Variants in HOXA5 observed in about 807,000 individuals in gnomAD.
HOXA5 encodes homeobox A5, also known as homeobox protein Hox-A5.
Under a neutral mutation model 20.0 loss-of-function variants are expected in HOXA5, and 12 were observed. That is an observed-to-expected ratio of 0.60 (90% CI 0.38 to 0.97). The LOEUF (loss-of-function observed/expected upper bound fraction) is 0.97, where lower values mean the gene tolerates loss of function less well. Ranked by LOEUF, HOXA5 falls within the 50% of genes least tolerant of loss-of-function variation. HOXA5 has a pLI of 0.00. For synonymous variants in HOXA5, 159 were observed against 157.7 expected, an observed-to-expected ratio of 1.01 and a Z score of -0.06; for missense variants, 352 against 380.3, an observed-to-expected ratio of 0.93 and a Z score of 0.62.
rs140801231 is a variant in HOXA5, at chr7:27,142,003, G to A, written c.645C>T (p.His215=). The A allele has an allele frequency of 7.4e-6, 12 of 1,614,254 alleles. No individual in the cohort carries two copies. The highest frequency in any genetic ancestry group is 1.0e-5 in the Non-Finnish European group (12 of 1,180,040). The change falls in exon 2 of 2, where the codon CAC becomes CAT. Residue 215 remains histidine (H), a synonymous_variant. Coordinates refer to ENST00000222726, the MANE Select transcript of HOXA5 (RefSeq NM_019102.4). The part of the protein sequence containing the change: ...YQTLELEKEF[H]FNRYLTRRRR... Reference sequence around the variant, plus strand: ...TTCTGCGGGTCAGGTAACGGTTGAAGTGGAACTCCTTCTCCAGCTCCAGGG... The same window carrying A: ...TTCTGCGGGTCAGGTAACGGTTGAAATGGAACTCCTTCTCCAGCTCCAGGG...
intron 1 of HOXA5, 130 bp from the exon 2 acceptor site, chr7:27,142,215 C>T: frequency 1.1e-6 from 1 of 917,866 alleles, no homozygotes; most frequent in Non-Finnish European, 1.6e-6. Context: ...AGCCCGCACA[C>T]CCCTCCCGAA....
chr7:27,142,781 T>G, intron 1 of HOXA5: 2 of 434,694 alleles, frequency 4.6e-6, no homozygotes, highest in Non-Finnish European at 8.0e-6. Context: ...AGGCGTGGGG[T>G]TCCAGAGGGG....
chr7:27,141,655 A>G lies in HOXA5; in HGVS notation c.*180T>C. On this transcript the variant is annotated 3_prime_UTR_variant, in exon 2 of 2. Transcript: ENST00000222726. ...CAGGACAAAGAGATGAACAGAAAGC[A>G]GATCTACTTATACAGGCGCTATAAT... The G allele has an allele frequency of 1.5e-6, 1 of 654,114 alleles. No individual in the cohort carries two copies. The highest frequency in any genetic ancestry group is 2.5e-6 in the Non-Finnish European group (1 of 400,926). The allele number at this position is 654,114 out of a possible 1,614,324, so 40.5% of individuals were successfully genotyped here.
chr7:27,143,254 C>T lies in HOXA5; in HGVS notation c.354G>A (p.Gly118=), dbSNP rs1410572142. The change falls in exon 1 of 2, where the codon GGG becomes GGA. Residue 118 remains glycine (G), a synonymous_variant. Transcript: ENST00000222726. ...CGCTGGAGTTGCTTAGGGAGTTTTT[C>T]CCGCCGTGGTGGCTGTCGCTGCCGG... is the stretch of plus-strand genomic sequence containing the variant. ...PSPGSDSHHG[G]KNSLSNSSGA... 2 of 1,608,588 alleles carry T rather than the reference C, an allele frequency of 1.2e-6. No homozygotes were observed. Among genetic ancestry groups the T allele is most frequent in the African/African-American group, 1.3e-5 (1 of 74,834 alleles).
Position 27,143,122 on chromosome 7 carries a change from C to A in HOXA5, c.486G>T (p.Ala162=). The change falls in exon 1 of 2, where the codon GCG becomes GCT. Residue 162 remains alanine (A), a synonymous_variant. Transcript: ENST00000222726. ...GCGGCGCCGGGCTCGGCTCGCTCTG[C>A]GCACTCGCCTGCTCGCTGCTGGCAG... is the stretch of plus-strand genomic sequence containing the variant. The part of the protein sequence containing the change: ...DAPASSEQAS[A]QSEPSPAPPA... The A allele has an allele frequency of 6.2e-7, 1 of 1,601,694 alleles. No homozygotes were observed. The highest frequency in any genetic ancestry group is 8.5e-7 in the Non-Finnish European group (1 of 1,175,806).
In HOXA5 at chr7:27,141,971, A is replaced by G. The variant is rs376431276; in HGVS notation, c.677T>C (p.Ile226Thr). Reference protein sequence around the residue: ...FNRYLTRRRRIEIAHALCLSE... With the variant: ...FNRYLTRRRRTEIAHALCLSE... The stretch of plus-strand genomic sequence containing the variant: ...GAGGCAAAGAGCATGTGCTATTTCA[A>G]TCCTCCTTCTGCGGGTCAGGTAACG... Residue 226 changes from isoleucine (I) to threonine (T), a missense_variant, in exon 2 of 2, where the codon ATT (isoleucine) becomes ACT (threonine). Ile to Thr is a moderately conservative substitution (Grantham distance 89). Transcript: ENST00000222726. 38 of 1,614,074 alleles carry G rather than the reference A, an allele frequency of 2.4e-5. No individual in the cohort carries two copies. Among genetic ancestry groups the G allele is most frequent in the East Asian group, 2.2e-5 (1 of 44,892 alleles).
In HOXA5 at chr7:27,143,350, G is replaced by C. The variant is rs1263830730; in HGVS notation, c.258C>G (p.Tyr86Ter). 1 of 1,594,392 alleles carries C rather than the reference G, an allele frequency of 6.3e-7. No individual in the cohort carries two copies. The change falls in exon 1 of 2, where the codon TAC (tyrosine) becomes TAG (stop). Residue 86 changes from tyrosine (Y) to a stop codon, truncating the protein, a stop_gained. Coordinates refer to ENST00000222726, the MANE Select transcript of HOXA5 (RefSeq NM_019102.4). LOFTEE classifies it high-confidence loss of function. ...SASAAPAEPR[Y>*]SQPATSTHSP... ...AGTGCGTGGACGTGGCCGGCTGGCT[G>C]TACCTGGGCTCGGCGGGCGCCGCGC...
rs759000941 is a variant in HOXA5 at position 27,143,154 on chromosome 7, C to A, written c.454G>T (p.Asp152Tyr). ...GCCTGCTCGCTGCTGGCAGGGGCGT[C>A]CTCCTCGGCTCCGGACGCCGTGCCA... Reference protein sequence around the residue: ...GVGTASGAEEDAPASSEQASA... With the variant: ...GVGTASGAEEYAPASSEQASA... The change falls in exon 1 of 2, where the codon GAC becomes TAC. Residue 152 changes from aspartate to tyrosine, a missense_variant. Asp to Tyr is a radical substitution (Grantham distance 160, BLOSUM62 -3). Coordinates refer to ENST00000222726, the MANE Select transcript of HOXA5 (RefSeq NM_019102.4). The A allele has an allele frequency of 6.2e-7, 1 of 1,609,598 alleles. No individual in the cohort carries two copies. The highest frequency in any genetic ancestry group is 1.1e-5 in the South Asian group (1 of 90,356).
chr7:27,143,577 C>G lies in HOXA5; in HGVS notation c.31G>C (p.Gly11Arg), dbSNP rs1395521067. 10 of 1,599,990 alleles carry G rather than the reference C, an allele frequency of 6.3e-6. No homozygotes were observed. Among genetic ancestry groups the G allele is most frequent in the Non-Finnish European group, 8.5e-6 (10 of 1,172,918 alleles). Residue 11 changes from glycine to arginine, a missense_variant, in exon 1 of 2, where the codon GGT becomes CGT. Gly to Arg is a moderately radical substitution (Grantham distance 125). This residue lies in a region of HOXA5 where 319 missense variants were observed against 336.5 expected (regional missense o/e 0.95). Transcript: ENST00000222726. Reference sequence around the variant, plus strand: ...TAGTCCGGGCCATTTGGATAGCGACCGCAAAATGAGTTTACAAAATAAGAG... The same window carrying G: ...TAGTCCGGGCCATTTGGATAGCGACGGCAAAATGAGTTTACAAAATAAGAG... The part of the protein sequence containing the change: MSSYFVNSFC[G>R]RYPNGPDYQL...
intron 1 of HOXA5, 28 bp from the exon 2 acceptor site, chr7:27,142,113 C>T (rs779522709): frequency 6.2e-7 from 1 of 1,602,760 alleles, no homozygotes; most frequent in South Asian, 1.1e-5. Context: ...GCGGTTTAGC[C>T]ACCAACTCCT....
rs1210625336 is a variant in HOXA5, at chr7:27,141,901, C to T, written c.747G>A (p.Lys249=). The T allele has an allele frequency of 6.2e-7, 1 of 1,614,202 alleles. No individual in the cohort carries two copies. Among genetic ancestry groups the T allele is most frequent in the Admixed American group, 1.7e-5 (1 of 60,030 alleles). ...IKIWFQNRRM[K]WKKDNKLKSM... is the part of the protein sequence containing the mutation. Reference sequence around the variant, plus strand: ...TTTTCAGCTTATTATCTTTTTTCCACTTCATTCTCCGGTTTTGGAACCAGA... The same window carrying T: ...TTTTCAGCTTATTATCTTTTTTCCATTTCATTCTCCGGTTTTGGAACCAGA... Residue 249 remains lysine, a synonymous_variant, in exon 2 of 2, where the codon AAG becomes AAA. Transcript: ENST00000222726.
rs898140225 is a variant in HOXA5, at chr7:27,141,814, G to A, written c.*21C>T. 15 of 1,612,408 alleles carry A rather than the reference G, an allele frequency of 9.3e-6. No individual in the cohort carries two copies. Among genetic ancestry groups the A allele is most frequent in the Non-Finnish European group, 1.3e-5 (15 of 1,179,456 alleles). The stretch of plus-strand genomic sequence containing the variant: ...ACGCGGGATCCGCTAATACTGCTCA[G>A]TACTTTAAACGCTCAGATACTCAGG... On this transcript the variant is annotated 3_prime_UTR_variant, in exon 2 of 2. Coordinates refer to ENST00000222726, the MANE Select transcript of HOXA5 (RefSeq NM_019102.4).
intron 1 of HOXA5, 51 bp from the exon 2 acceptor site, chr7:27,142,136 C>T (rs778267370): frequency 1.3e-6 from 2 of 1,583,322 alleles, no homozygotes; most frequent in South Asian, 2.3e-5. Flanking sequence ...CTTCCAAAGT[C>T]CGCCAGGGGG....
At chr7:27,142,165 C>A in intron 1 of HOXA5, 80 bp from the exon 2 acceptor site, 4 of 1,482,568 alleles carry the variant, frequency 2.7e-6, no homozygotes, top group South Asian at 2.6e-5. Context: ...GGGTCATGAG[C>A]AGGGAACCCA....
chr7:27,141,799 C>A lies in HOXA5; in HGVS notation c.*36G>T. On this transcript the variant is annotated 3_prime_UTR_variant, in exon 2 of 2. Transcript: ENST00000222726. ...CTTAGTACTGACACTACGCGGGATC[C>A]GCTAATACTGCTCAGTACTTTAAAC... 6.2e-7 allele frequency: 1 copy of A among 1,606,926 alleles called. No homozygotes were observed. Among genetic ancestry groups the A allele is most frequent in the South Asian group, 1.1e-5 (1 of 89,882 alleles).
At position 27,143,300 on chromosome 7, in the gene HOXA5, C is replaced by T; in HGVS notation, c.308G>A (p.Cys103Tyr). The change falls in exon 1 of 2, where the codon TGC (cysteine) becomes TAC (tyrosine). Residue 103 changes from cysteine to tyrosine, a missense_variant. By Grantham distance (194) the Cys-to-Tyr change is radical (BLOSUM62 -2). This residue lies in a region of HOXA5 where 319 missense variants were observed against 336.5 expected (regional missense o/e 0.95). Transcript: ENST00000222726. ...THSPQPDPLP[C>Y]SAVAPSPGSD... is the part of the protein sequence containing the mutation. ...GCCGGGCGAGGGGGCCACGGCGGAG[C>T]AGGGCAGCGGATCGGGCTGAGGAGA... The T allele has an allele frequency of 1.9e-6, 3 of 1,601,958 alleles. No homozygotes were observed. The highest frequency in any genetic ancestry group is 2.5e-6 in the Non-Finnish European group (3 of 1,176,906).
chr7:27,143,017 G>T, intron 1 of HOXA5, 29 bp downstream of exon 1: 1 of 1,492,740 alleles, frequency 6.7e-7, no homozygotes, highest in South Asian at 1.4e-5. Context: ...CCCCGCGGTC[G>T]CGTGGATTTA....
chr7:27,143,170 C>T lies in HOXA5; in HGVS notation c.438G>A (p.Ala146=), dbSNP rs757590045. 1 of 1,610,172 alleles carries T rather than the reference C, an allele frequency of 6.2e-7. No homozygotes were observed. The highest frequency in any genetic ancestry group is 1.7e-5 in the Admixed American group (1 of 59,884). The stretch of plus-strand genomic sequence containing the variant: ...CAGGGGCGTCCTCCTCGGCTCCGGA[C>T]GCCGTGCCAACCCCCTCTCTGCTGC... ...HISSREGVGT[A]SGAEEDAPAS... The change falls in exon 1 of 2, where the codon GCG becomes GCA. Residue 146 remains alanine (A), a synonymous_variant. Coordinates refer to ENST00000222726, the MANE Select transcript of HOXA5 (RefSeq NM_019102.4).
chr7:27,142,160 A>G (rs1351196069), intron 1 of HOXA5, 75 bp from the exon 2 acceptor site: 4 of 1,519,040 alleles, frequency 2.6e-6, no homozygotes, highest in Non-Finnish European at 2.6e-6. Context: ...AGCTTGGGTC[A>G]TGAGCAGGGA....
Sources: allele counts gnomAD v4.1 joint callset, GRCh38; gene constraint gnomAD v4.1.1; regional missense constraint gnomAD v4.1.1; transcripts MANE v1.5; gene names NCBI Gene and HGNC (gene_info 2026-07-23, HGNC 2026-07-21).